Variants in DLC1 observed in about 807,000 individuals in gnomAD.
DLC1 encodes rho GTPase-activating protein 7.
A neutral mutation model predicts 140.3 loss-of-function variants in DLC1; 54 were observed. The observed-to-expected ratio is 0.38, with a 90% CI of 0.31 to 0.48. DLC1 has a LOEUF of 0.48. DLC1 is among the 20% of genes least tolerant of loss of function. DLC1 has a pLI of 0.96. For missense variants in DLC1, 2,536 were observed against 1,907.0 expected (o/e 1.33, Z -6.14); for synonymous variants, 986 against 728.1 (o/e 1.35, Z -5.70).
At chr8:13,475,555 C>T (rs769949294) in intron 2 of DLC1, among the ~76,000 whole-genome samples, 6 of 152,076 alleles carry the variant, frequency 3.9e-5, no homozygotes, top group African/African-American at 1.2e-4. Context: ...TTCTGAATAG[C>T]GACCATAGAA....
chr8:13,160,998 A>G (rs867087846), intron 5 of DLC1, among the ~76,000 whole-genome samples: 3 of 152,112 alleles, frequency 2.0e-5, no homozygotes, highest in Non-Finnish European at 4.4e-5. Context: ...GGAGAATGGC[A>G]CGAACCCGGG....
chr8:13,340,953 C>T (rs1464974870), intron 4 of DLC1: 3 of 152,262 alleles, frequency 2.0e-5, no homozygotes, highest in South Asian at 2.1e-4. Flanking sequence ...GCGTCTAACT[C>T]GGCTGGCACC....
intron 5 of DLC1, among the ~76,000 whole-genome samples, chr8:13,154,456 TGCCCAGGGCCGGCGGTGCCG>T (rs1220621888): frequency 6.6e-6 from 1 of 152,194 alleles, no homozygotes; most frequent in Non-Finnish European, 1.5e-5. Flanking sequence ...AGCCCCTTAC[TGCCCAGGGCCGGCGGTGCCG>T]GCCAGCTGCT....
At chr8:13,527,436 G>A (rs561174613) in intron 1 of DLC1, among the ~76,000 whole-genome samples, 1 of 152,076 alleles carries the variant, frequency 6.6e-6, no homozygotes, top group South Asian at 2.1e-4. Context: ...TGCATTCCTG[G>A]GATAAACCAT....
intron 1 of DLC1, among the ~76,000 whole-genome samples, chr8:13,602,969 G>A (rs1334302395): frequency 6.6e-6 from 1 of 151,856 alleles, no homozygotes; most frequent in Non-Finnish European, 1.5e-5. Context: ...GTGCTGGGTT[G>A]AAAACTTATT....
intron 1 of DLC1, among the ~76,000 whole-genome samples, chr8:13,564,524 C>G (rs756062433): frequency 5.9e-4 from 90 of 152,174 alleles, no homozygotes; most frequent in Non-Finnish European, 1.1e-3. Context: ...TAGACTCCCA[C>G]TTTGTACACT....
At chr8:13,435,744 A>G (rs1488047060) in intron 2 of DLC1, among the ~76,000 whole-genome samples, 1 of 152,242 alleles carries the variant, frequency 6.6e-6, no homozygotes, top group Non-Finnish European at 1.5e-5. Context: ...TAGTTGACAA[A>G]GGAGTGGGAG....
At chr8:13,165,516 C>G (rs781116188) in intron 5 of DLC1, among the ~76,000 whole-genome samples, 2 of 152,244 alleles carry the variant, frequency 1.3e-5, no homozygotes, top group Non-Finnish European at 2.9e-5. Flanking sequence ...TCCGTACTTT[C>G]ACGCTCTGTT....
chr8:13,219,082 T>G (rs13252493), intron 5 of DLC1, among the ~76,000 whole-genome samples: 1 of 100,982 alleles, frequency 9.9e-6, no homozygotes, highest in South Asian at 3.0e-4. Flanking sequence ...AATTATATAA[T>G]TATATGTGAA....
At chr8:13,391,699 C>G (rs912843962) in intron 4 of DLC1, among the ~76,000 whole-genome samples, 5 of 152,100 alleles carry the variant, frequency 3.3e-5, no homozygotes, top group African/African-American at 1.2e-4. Flanking sequence ...TAAGCAACTG[C>G]ACACATTCTT....
At chr8:13,484,150 G>C (rs922653028) in intron 2 of DLC1, among the ~76,000 whole-genome samples, 1 of 152,074 alleles carries the variant, frequency 6.6e-6, no homozygotes, top group Non-Finnish European at 1.5e-5. Context: ...AATTGGAAGG[G>C]GTTAGGACCA....
intron 5 of DLC1, among the ~76,000 whole-genome samples, chr8:13,298,979 T>C (rs907727567): frequency 6.6e-6 from 1 of 152,254 alleles, no homozygotes; most frequent in Non-Finnish European, 1.5e-5. Flanking sequence ...AATTTTAGAA[T>C]GACGGATTTC....
intron 5 of DLC1, among the ~76,000 whole-genome samples, chr8:13,123,866 G>A (rs1050420495): frequency 3.3e-5 from 5 of 151,960 alleles, no homozygotes; most frequent in African/African-American, 4.8e-5. Context: ...TCTAGTAAGT[G>A]GTCTTAATTT....
chr8:13,100,359 C>T lies in DLC1; in HGVS notation c.1978G>A (p.Ala660Thr). 1 of 1,614,216 alleles carries T rather than the reference C, an allele frequency of 6.2e-7. No individual in the cohort carries two copies. The highest frequency in any genetic ancestry group is 1.3e-5 in the African/African-American group (1 of 75,080). The change falls in exon 9 of 18, where the codon GCC becomes ACC. Residue 660 changes from alanine to threonine, a missense_variant. Transcript: ENST00000276297. ...SFSMKGHEKT[A>T]KSKTRSLLKR... Reference sequence around the variant, plus strand: ...AGCAGACTGCGCGTCTTGGACTTGGCAGTTTTTTCGTGGCCTTTCATGCTG... The same window carrying T: ...AGCAGACTGCGCGTCTTGGACTTGGTAGTTTTTTCGTGGCCTTTCATGCTG...
At chr8:13,314,965 T>C (rs925013829) in intron 4 of DLC1, among the ~76,000 whole-genome samples, 1 of 152,186 alleles carries the variant, frequency 6.6e-6, no homozygotes, top group Non-Finnish European at 1.5e-5. Context: ...GATACCAGGA[T>C]CAGTAAAATA....
intron 5 of DLC1, among the ~76,000 whole-genome samples, chr8:13,261,174 G>C (rs1261974334): frequency 6.6e-6 from 1 of 152,170 alleles, no homozygotes; most frequent in Non-Finnish European, 1.5e-5. Context: ...ATCGCAATTG[G>C]TTCAGAGGAG....
rs139851342 is a variant in DLC1, at chr8:13,104,331, G to A, written c.1503-1478C>T. 2.4e-3 allele frequency among the ~76,000 whole-genome samples: 315 copies of A among 131,400 alleles called. 2 individuals are homozygous for A. The highest frequency in any genetic ancestry group is 7.5e-3 in the African/African-American group (286 of 37,964). 86.2% of individuals were successfully genotyped at this position (131,400 alleles called of 152,430 possible). On this transcript the variant is annotated intron_variant, in intron 7 of 17. Coordinates refer to ENST00000276297, the MANE Select transcript of DLC1 (RefSeq NM_182643.3). ...TTTAAAATTAGGGAAATTTAGTTTC[G>A]TTGAAAATAAAATACTTACAAAAAA...
At chr8:13,529,707 G>C (rs1252049031) in intron 1 of DLC1, among the ~76,000 whole-genome samples, 2 of 152,114 alleles carry the variant, frequency 1.3e-5, no homozygotes, top group Non-Finnish European at 2.9e-5. Context: ...TAAGAAAAAA[G>C]GGAGCACCTA....
At chr8:13,406,536 C>T (rs1363941704) in intron 2 of DLC1, among the ~76,000 whole-genome samples, 1 of 152,114 alleles carries the variant, frequency 6.6e-6, no homozygotes, top group Non-Finnish European at 1.5e-5. Flanking sequence ...ATGAAACAGC[C>T]TTTCAAATAT....
Sources: allele counts gnomAD v4.1 joint callset (sites outside exome capture counted in the v4.1 genomes callset), GRCh38; gene constraint gnomAD v4.1.1; transcripts MANE v1.5; gene names NCBI Gene and HGNC (gene_info 2026-07-23, HGNC 2026-07-21).